The following RBFOX1 variants were observed in gnomAD, a reference collection of about 807,000 sequenced individuals.
RBFOX1 encodes the protein RNA binding fox-1 homolog 1, also known as RNA binding protein fox-1 homolog 1.
In RBFOX1, 8 loss-of-function variants were observed where a neutral mutation model predicts 57.7. The observed-to-expected ratio is 0.14, with a 90% CI of 0.08 to 0.25. The LOEUF is 0.25. Among genes scored for constraint, RBFOX1 ranks in the 10% least tolerant of loss-of-function variants. The probability of loss-of-function intolerance (pLI) is 1.00; values close to 1 mark genes in which losing one functional copy is unlikely to be tolerated. For missense variants in RBFOX1, 611 were observed against 548.5 expected, an observed-to-expected ratio of 1.11 and a Z score of -1.14; for synonymous variants, 326 against 222.4, an observed-to-expected ratio of 1.47 and a Z score of -4.15.
At chr16:5,618,483 G>A (rs1263846996) in intron 3 of RBFOX1, among the ~76,000 whole-genome samples, 3 of 152,056 alleles carry the variant, frequency 2.0e-5, no homozygotes, top group African/African-American at 7.2e-5. Context: ...GACTACAGGC[G>A]CCCGCCATCA....
At chr16:5,561,031 A>G (rs1246433716) in intron 2 of RBFOX1, among the ~76,000 whole-genome samples, 4 of 152,338 alleles carry the variant, frequency 2.6e-5, no homozygotes, top group East Asian at 1.9e-4. Context: ...GGAATTTCCT[A>G]AAGATTTTAT....
intron 4 of RBFOX1, among the ~76,000 whole-genome samples, chr16:5,904,349 C>T (rs887819113): frequency 6.6e-6 from 1 of 152,106 alleles, no homozygotes; most frequent in East Asian, 1.9e-4. Flanking sequence ...TGCCTGCTCC[C>T]AGCAGAGGCT....
chr16:6,003,865 G>A (rs998054592), intron 4 of RBFOX1, among the ~76,000 whole-genome samples: 2 of 152,242 alleles, frequency 1.3e-5, no homozygotes, highest in Non-Finnish European at 2.9e-5. Context: ...CAAGAGAGCA[G>A]GCCTAGGTGG....
chr16:7,041,409 C>T (rs1389741151), intron 3 of RBFOX1, among the ~76,000 whole-genome samples: 1 of 152,076 alleles, frequency 6.6e-6, no homozygotes, highest in Non-Finnish European at 1.5e-5. Context: ...TTTTTCAATT[C>T]CTAATGTAGA....
At chr16:7,381,560 C>T (rs1002337567) in intron 4 of RBFOX1, among the ~76,000 whole-genome samples, 1 of 151,852 alleles carries the variant, frequency 6.6e-6, no homozygotes, top group Non-Finnish European at 1.5e-5. Flanking sequence ...TGAATATACC[C>T]TAAAAAGAGG....
intron 3 of RBFOX1, among the ~76,000 whole-genome samples, chr16:6,864,341 T>A (rs1264892987): frequency 6.6e-6 from 1 of 152,132 alleles, no homozygotes; most frequent in Non-Finnish European, 1.5e-5. Flanking sequence ...GACAAACATT[T>A]GAAAAACAAT....
rs552519150 is a variant in RBFOX1 at position 5,250,702 on chromosome 16, G to A, written c.219+10597G>A. Among the ~76,000 whole-genome samples the A allele has an allele frequency of 1.6e-3, 213 of 133,270 alleles. 1 individual carries two copies. Among genetic ancestry groups the A allele is most frequent in the African/African-American group, 5.4e-3 (202 of 37,424 alleles). The allele number at this position is 133,270 out of a possible 152,430, so 87.4% of individuals were successfully genotyped here. On this transcript the variant is annotated intron_variant, in intron 1 of 2. Transcript: ENST00000585867. ...TGACATTGTCTCACGTTGGAACCTGGGTATACCACCTTCTTCTCCCAGCAG... is the reference window on the plus strand; with the variant it reads ...TGACATTGTCTCACGTTGGAACCTGAGTATACCACCTTCTTCTCCCAGCAG...
At chr16:7,334,500 C>G (rs2096750434) in intron 4 of RBFOX1, among the ~76,000 whole-genome samples, 1 of 152,106 alleles carries the variant, frequency 6.6e-6, no homozygotes, top group Admixed American at 6.6e-5. Flanking sequence ...TAAATAATTA[C>G]AGGCAAATCG....
intron 3 of RBFOX1, among the ~76,000 whole-genome samples, chr16:5,739,555 C>T (rs543193645): frequency 6.6e-6 from 1 of 152,194 alleles, no homozygotes; most frequent in Non-Finnish European, 1.5e-5. Context: ...CTTTATTCCC[C>T]TGATAGCTAT....
At chr16:7,048,237 C>T (rs1177876034) in intron 3 of RBFOX1, among the ~76,000 whole-genome samples, 1 of 150,218 alleles carries the variant, frequency 6.7e-6, no homozygotes, top group Admixed American at 6.7e-5. Context: ...TGTAAAATTT[C>T]CTTTTGATTT....
At chr16:6,218,255 A>T (rs1360836978) in intron 1 of RBFOX1, among the ~76,000 whole-genome samples, 1 of 151,790 alleles carries the variant, frequency 6.6e-6, no homozygotes, top group Non-Finnish European at 1.5e-5. Flanking sequence ...AGCTAAGACT[A>T]TAAACAGGAC....
intron 4 of RBFOX1, among the ~76,000 whole-genome samples, chr16:7,296,286 TG>T: frequency 6.6e-6 from 1 of 150,412 alleles, no homozygotes; most frequent in Admixed American, 6.6e-5. Flanking sequence ...TGCATTTTCG[TG>T]TAAAATGCTG....
chr16:5,955,366 T>TAAATA (rs2059614214), intron 4 of RBFOX1, among the ~76,000 whole-genome samples: 3 of 39,382 alleles, frequency 7.6e-5, no homozygotes, highest in South Asian at 7.2e-4. Context: ...AAAAATAAAA[T>TAAATA]AAAATAAAAT....
chr16:6,887,892 C>A (rs191842936), intron 3 of RBFOX1, among the ~76,000 whole-genome samples: 13 of 152,230 alleles, frequency 8.5e-5, no homozygotes, highest in Admixed American at 6.5e-5. Flanking sequence ...GAACTCCAGA[C>A]TTCAAGTGAT....
chr16:5,558,701 C>T (rs571240590), intron 2 of RBFOX1, among the ~76,000 whole-genome samples: 3 of 152,040 alleles, frequency 2.0e-5, no homozygotes, highest in Non-Finnish European at 4.4e-5. Context: ...GGGGTGGGAC[C>T]CTGAGACTGT....
chr16:5,853,108 G>A (rs947899135), intron 3 of RBFOX1, among the ~76,000 whole-genome samples: 1 of 152,006 alleles, frequency 6.6e-6, no homozygotes, highest in African/African-American at 2.4e-5. Context: ...CATCTCTTGT[G>A]TAGAGAAAGG....
intron 4 of RBFOX1, among the ~76,000 whole-genome samples, chr16:7,287,188 G>C (rs563582107): frequency 2.6e-5 from 4 of 152,326 alleles, no homozygotes; most frequent in Admixed American, 2.0e-4. Context: ...CCTGAGGAAA[G>C]TGCAGGTCTT....
At chr16:7,706,995 T>C (rs1413480249) in intron 14 of RBFOX1, among the ~76,000 whole-genome samples, 1 of 152,154 alleles carries the variant, frequency 6.6e-6, no homozygotes, top group East Asian at 1.9e-4. Flanking sequence ...TAAAGGCCAT[T>C]TTTGATAAGA....
At chr16:6,147,698 C>A (rs1480075756) in intron 1 of RBFOX1, among the ~76,000 whole-genome samples, 1 of 152,154 alleles carries the variant, frequency 6.6e-6, no homozygotes, top group South Asian at 2.1e-4. Context: ...CCTCCTTGAA[C>A]ATGTTACGTT....
Sources: allele counts gnomAD v4.1 joint callset (sites outside exome capture counted in the v4.1 genomes callset), GRCh38; gene constraint gnomAD v4.1.1; transcripts MANE v1.5; gene names NCBI Gene and HGNC (gene_info 2026-07-23, HGNC 2026-07-21).